TMEM117: variants seen among roughly 807,000 people sequenced by gnomAD.
The protein encoded by TMEM117 is transmembrane protein 117.
TMEM117 carries 27 observed loss-of-function variants against 52.4 expected under a neutral mutation model. That is an observed-to-expected ratio of 0.51 (90% CI 0.38 to 0.71). TMEM117 has a LOEUF of 0.71. Ranked by LOEUF, TMEM117 falls within the 30% of genes least tolerant of loss-of-function variation. The pLI is 0.00. For synonymous variants in TMEM117, 215 were observed against 206.3 expected (o/e 1.04, Z -0.36); for missense variants, 556 against 630.5 (o/e 0.88, Z 1.26).
At chr12:44,108,198 T>G (rs576113097) in intron 3 of TMEM117, among the ~76,000 whole-genome samples, 6 of 152,064 alleles carry the variant, frequency 3.9e-5, no homozygotes, top group Non-Finnish European at 8.8e-5. Flanking sequence ...CAAATTTATT[T>G]ATTTATTTAT....
intron 3 of TMEM117, among the ~76,000 whole-genome samples, chr12:44,104,516 G>C (rs914351901): frequency 6.7e-6 from 1 of 149,368 alleles, no homozygotes; most frequent in African/African-American, 2.5e-5. Context: ...GTCCCACAAA[G>C]GTCCTGTGAC....
intron 2 of TMEM117, among the ~76,000 whole-genome samples, chr12:43,862,786 G>A (rs1436483287): frequency 2.6e-5 from 4 of 152,188 alleles, no homozygotes; most frequent in African/African-American, 9.6e-5. Flanking sequence ...TCTGGAAGAA[G>A]TGCATTCAAA....
intron 3 of TMEM117, among the ~76,000 whole-genome samples, chr12:44,114,421 T>G (rs967279022): frequency 6.6e-6 from 1 of 152,128 alleles, no homozygotes; most frequent in African/African-American, 2.4e-5. Flanking sequence ...TAGGACTGTA[T>G]TTTAGCTTAG....
intron 4 of TMEM117, among the ~76,000 whole-genome samples, chr12:44,178,616 T>C (rs1949148073): frequency 6.6e-6 from 1 of 152,170 alleles, no homozygotes; most frequent in African/African-American, 2.4e-5. Flanking sequence ...AAATACCACA[T>C]TGTAGTTAAG....
At chr12:44,361,712 G>C (rs189424939) in intron 6 of TMEM117, among the ~76,000 whole-genome samples, 5 of 152,110 alleles carry the variant, frequency 3.3e-5, no homozygotes, top group Non-Finnish European at 4.4e-5. Flanking sequence ...AACACCACAC[G>C]GTAGTCTGTT....
intron 6 of TMEM117, among the ~76,000 whole-genome samples, chr12:44,311,789 ATATATATGTATATATG>A (rs1205132145): frequency 9.1e-5 from 3 of 32,888 alleles, no homozygotes; most frequent in African/African-American, 1.3e-4. Context: ...GTATATATGT[ATATATATGTATATATG>A]TATATATGTA....
intron 5 of TMEM117, among the ~76,000 whole-genome samples, chr12:44,298,765 G>A (rs1950800005): frequency 6.6e-6 from 1 of 150,810 alleles, no homozygotes; most frequent in Non-Finnish European, 1.5e-5. Context: ...ACAAGCCATG[G>A]ATGATATATG....
At chr12:44,199,885 A>G (rs566744511) in intron 4 of TMEM117, among the ~76,000 whole-genome samples, 1 of 152,282 alleles carries the variant, frequency 6.6e-6, no homozygotes, top group East Asian at 1.9e-4. Context: ...TGGGAGGCCG[A>G]GGCAGGTGGA....
At chr12:43,868,913 ATTAT>A (rs1943657105) in intron 2 of TMEM117, among the ~76,000 whole-genome samples, 1 of 152,180 alleles carries the variant, frequency 6.6e-6, no homozygotes, top group African/African-American at 2.4e-5. Flanking sequence ...CCACATGTTG[ATTAT>A]TTGAGAACAT....
the TMEM117 span, chr12:43,805,949 A>C: frequency 6.5e-7 from 1 of 1,538,466 alleles, no homozygotes; most frequent in Admixed American, 1.7e-5. Flanking sequence ...CGCCCCCTTC[A>C]ACCAGGCCGC....
At chr12:43,855,734 A>G (rs911276358) in intron 2 of TMEM117, among the ~76,000 whole-genome samples, 3 of 152,194 alleles carry the variant, frequency 2.0e-5, no homozygotes, top group African/African-American at 7.2e-5. Context: ...AAGTAACTCA[A>G]CAATATTTTG....
At chr12:44,014,906 T>G (rs547539507) in intron 3 of TMEM117, among the ~76,000 whole-genome samples, 1 of 152,296 alleles carries the variant, frequency 6.6e-6, no homozygotes, top group African/African-American at 2.4e-5. Flanking sequence ...TTAATTAAGC[T>G]TTAAGGCACA....
chr12:44,365,751 T>TTTATTA (rs537506360), intron 6 of TMEM117, among the ~76,000 whole-genome samples: 19 of 151,262 alleles, frequency 1.3e-4, no homozygotes, highest in African/African-American at 2.9e-4. Context: ...AGGATTTTCT[T>TTTATTA]TTATTATTAT....
intron 6 of TMEM117, among the ~76,000 whole-genome samples, chr12:44,334,377 T>C (rs1951311629): frequency 6.6e-6 from 1 of 152,056 alleles, no homozygotes; most frequent in African/African-American, 2.4e-5. Flanking sequence ...TTAGATTGGC[T>C]AAGCAAAGCT....
intron 2 of TMEM117, among the ~76,000 whole-genome samples, chr12:43,846,169 A>C (rs1943204749): frequency 2.0e-5 from 3 of 152,018 alleles, no homozygotes; most frequent in Admixed American, 1.3e-4. Context: ...ATAGTATATT[A>C]GTAAGGGATC....
At chr12:44,343,897 A>G (rs1046981282) in intron 6 of TMEM117, among the ~76,000 whole-genome samples, 4 of 152,032 alleles carry the variant, frequency 2.6e-5, no homozygotes, top group African/African-American at 9.7e-5. Context: ...ATCTTTGACT[A>G]TGTTTGGCTG....
chr12:44,171,516 A>G (rs1949046096), intron 4 of TMEM117, among the ~76,000 whole-genome samples: 1 of 152,036 alleles, frequency 6.6e-6, no homozygotes, highest in South Asian at 2.1e-4. Context: ...GAAATGAAAA[A>G]CTGTTCCTTT....
chr12:44,301,622 C>T (rs571971473), intron 6 of TMEM117, among the ~76,000 whole-genome samples: 1 of 152,170 alleles, frequency 6.6e-6, no homozygotes, highest in Non-Finnish European at 1.5e-5. Context: ...GTAGTTGCCT[C>T]TAGGGACACA....
intron 6 of TMEM117, among the ~76,000 whole-genome samples, chr12:44,361,028 C>G (rs1951714078): frequency 6.6e-6 from 1 of 152,066 alleles, no homozygotes; most frequent in South Asian, 2.1e-4. Flanking sequence ...TATTTCACCA[C>G]ACAGTCTAAC....
Sources: gnomAD v4.1 joint callset for allele counts (sites outside exome capture counted in the v4.1 genomes callset) on GRCh38, gnomAD v4.1.1 for gene constraint, MANE v1.5 for transcripts, NCBI Gene and HGNC (gene_info 2026-07-23, HGNC 2026-07-21) for gene names.